MAP3K5: variants seen among roughly 807,000 people sequenced by gnomAD.
MAP3K5 encodes the protein ASK-1.
Under a neutral mutation model 158.7 loss-of-function variants are expected in MAP3K5, and 56 were observed. That is an observed-to-expected ratio of 0.35 (90% CI 0.28 to 0.44). MAP3K5 has a LOEUF of 0.44. MAP3K5 is among the 20% of genes least tolerant of loss of function. The probability of loss-of-function intolerance (pLI) is 1.00; values close to 1 mark genes in which losing one functional copy is unlikely to be tolerated. For missense variants in MAP3K5, 1,294 were observed against 1,674.8 expected (o/e 0.77, Z 3.97); for synonymous variants, 579 against 601.7 (o/e 0.96, Z 0.55).
At chr6:136,657,578 G>A (rs1486719953) in intron 9 of MAP3K5, among the ~76,000 whole-genome samples, 1 of 152,028 alleles carries the variant, frequency 6.6e-6, no homozygotes, top group African/African-American at 2.4e-5. Flanking sequence ...AATATCAAAA[G>A]GTATTATAAC....
intron 1 of MAP3K5, among the ~76,000 whole-genome samples, chr6:136,789,030 G>A (rs1221062913): frequency 1.3e-5 from 2 of 152,104 alleles, no homozygotes; most frequent in African/African-American, 4.8e-5. Context: ...GGGTGCGGTG[G>A]CTCACGCCTG....
Position 136,610,598 on chromosome 6 carries a change from A to T in MAP3K5, c.2521+684T>A, listed in dbSNP as rs763887457. Among the ~76,000 whole-genome samples, 647 of 127,720 alleles carry T rather than the reference A, an allele frequency of 5.1e-3. 3 individuals carry two copies. The highest frequency in any genetic ancestry group is 8.2e-3 in the Non-Finnish European group (500 of 61,012). 83.8% of individuals were successfully genotyped at this position (127,720 alleles called of 152,430 possible). On this transcript the variant is annotated intron_variant, in intron 18 of 29. Transcript: ENST00000359015. Reference sequence around the variant, plus strand: ...AGGTTGGGCCAAGGAAATGTTTAATAAAAAAAAAAAAAAAAAAATCTTGCT... The same window carrying T: ...AGGTTGGGCCAAGGAAATGTTTAATTAAAAAAAAAAAAAAAAAATCTTGCT...
At chr6:136,657,381 C>A (rs937832073) in intron 9 of MAP3K5, among the ~76,000 whole-genome samples, 1 of 152,110 alleles carries the variant, frequency 6.6e-6, no homozygotes, top group Non-Finnish European at 1.5e-5. Context: ...TTTGTGGCTG[C>A]GAGTACCATT....
intron 2 of MAP3K5, among the ~76,000 whole-genome samples, chr6:136,719,882 T>C (rs992290782): frequency 1.3e-5 from 2 of 152,188 alleles, no homozygotes; most frequent in Admixed American, 6.5e-5. Context: ...GCAAACTTCT[T>C]TGGATGGAGG....
intron 10 of MAP3K5, among the ~76,000 whole-genome samples, chr6:136,655,061 C>A (rs1247215468): frequency 6.6e-6 from 1 of 152,108 alleles, no homozygotes; most frequent in East Asian, 1.9e-4. Flanking sequence ...ATATTTATGA[C>A]AGACAAATTC....
chr6:136,672,234 AG>A (rs1228930454), intron 7 of MAP3K5, among the ~76,000 whole-genome samples: 1 of 152,148 alleles, frequency 6.6e-6, no homozygotes, highest in Admixed American at 6.6e-5. Flanking sequence ...TTCAGTAATT[AG>A]GGGGAAATAA....
At chr6:136,629,563 T>C (rs1258267537) in intron 14 of MAP3K5, among the ~76,000 whole-genome samples, 1 of 150,862 alleles carries the variant, frequency 6.6e-6, no homozygotes, top group Admixed American at 6.6e-5. Context: ...CACGCCATTC[T>C]CCTGCCTCAG....
chr6:136,620,543 G>A (rs1394921204), intron 15 of MAP3K5, among the ~76,000 whole-genome samples: 1 of 152,168 alleles, frequency 6.6e-6, no homozygotes, highest in Non-Finnish European at 1.5e-5. Flanking sequence ...GCTCAGGGGT[G>A]GGTCCTTCCT....
At chr6:136,691,791 A>C (rs2114645546) in intron 7 of MAP3K5, among the ~76,000 whole-genome samples, 1 of 152,162 alleles carries the variant, frequency 6.6e-6, no homozygotes, top group East Asian at 1.9e-4. Flanking sequence ...TGACATTTCA[A>C]CTTCAGATAT....
chr6:136,783,069 T>A (rs1046233064), intron 1 of MAP3K5, among the ~76,000 whole-genome samples: 12 of 152,166 alleles, frequency 7.9e-5, no homozygotes, highest in African/African-American at 2.9e-4. Flanking sequence ...TTTGGGAGAC[T>A]GAGGCAGGAG....
chr6:136,756,236 TAA>T (rs1783476461), intron 1 of MAP3K5, among the ~76,000 whole-genome samples: 5 of 152,142 alleles, frequency 3.3e-5, no homozygotes, highest in South Asian at 4.1e-4. Flanking sequence ...GAGGATCACT[TAA>T]GCCTGGTAGG....
intron 7 of MAP3K5, among the ~76,000 whole-genome samples, chr6:136,685,219 G>A (rs1464772369): frequency 6.6e-6 from 1 of 152,118 alleles, no homozygotes; most frequent in African/African-American, 2.4e-5. Flanking sequence ...TCAGCAGGCT[G>A]AGACAGGAGG....
chr6:136,690,676 G>T (rs1184217619), intron 7 of MAP3K5, among the ~76,000 whole-genome samples: 1 of 152,004 alleles, frequency 6.6e-6, no homozygotes, highest in African/African-American at 2.4e-5. Context: ...TTTTCTTAAA[G>T]ATATTTTGAG....
At chr6:136,698,082 T>G (rs1277656635) in intron 4 of MAP3K5, among the ~76,000 whole-genome samples, 1 of 152,218 alleles carries the variant, frequency 6.6e-6, no homozygotes, top group Non-Finnish European at 1.5e-5. Context: ...TAACCTTAAC[T>G]TCCTGACTCA....
At chr6:136,752,335 G>A (rs1783248335) in intron 1 of MAP3K5, among the ~76,000 whole-genome samples, 1 of 152,242 alleles carries the variant, frequency 6.6e-6, no homozygotes, top group South Asian at 2.1e-4. Flanking sequence ...CACAGTCAGA[G>A]AGCCCAGCTC....
chr6:136,601,656 C>T, intron 20 of MAP3K5, 146 bp downstream of exon 20: 1 of 708,824 alleles, frequency 1.4e-6, no homozygotes, highest in Non-Finnish European at 2.3e-6. Context: ...ATACTGCAAC[C>T]AAATGCCTGA....
chr6:136,689,332 T>G (rs368403921), intron 7 of MAP3K5, among the ~76,000 whole-genome samples: 43 of 152,300 alleles, frequency 2.8e-4, no homozygotes, highest in African/African-American at 9.4e-4. Flanking sequence ...TAAATTTGGT[T>G]AAGATAAACT....
chr6:136,689,187 C>T (rs1183604822), intron 7 of MAP3K5, among the ~76,000 whole-genome samples: 3 of 152,192 alleles, frequency 2.0e-5, no homozygotes, highest in Non-Finnish European at 2.9e-5. Context: ...GTTGTCCCAT[C>T]TGCTCAGGAG....
At chr6:136,677,546 T>C (rs923945457) in intron 7 of MAP3K5, among the ~76,000 whole-genome samples, 2 of 152,216 alleles carry the variant, frequency 1.3e-5, no homozygotes, top group African/African-American at 4.8e-5. Context: ...ATGCCACATG[T>C]CTGTGTCATG....
Sources: gnomAD v4.1 joint callset for allele counts (sites outside exome capture counted in the v4.1 genomes callset) on GRCh38, gnomAD v4.1.1 for gene constraint, MANE v1.5 for transcripts, NCBI Gene and HGNC (gene_info 2026-07-23, HGNC 2026-07-21) for gene names.